Variants in SLC2A4RG observed in about 807,000 individuals in gnomAD.
SLC2A4RG encodes the protein SLC2A4 regulator.
In SLC2A4RG, 23 loss-of-function variants were observed where a neutral mutation model predicts 35.5. The ratio of observed to expected loss-of-function variants is 0.65; its 90% CI spans 0.47 to 0.92. The LOEUF is 0.92. Ranked by LOEUF, SLC2A4RG falls within the 40% of genes least tolerant of loss-of-function variation. SLC2A4RG has a pLI of 0.00. For synonymous variants in SLC2A4RG, 306 were observed against 243.7 expected (o/e 1.26, Z -2.38); for missense variants, 539 against 525.0 (o/e 1.03, Z -0.26).
At position 63,742,131 on chromosome 20, in the gene SLC2A4RG, G is replaced by A. The variant is rs745480685; in HGVS notation, c.581G>A (p.Ser194Asn). The A allele has an allele frequency of 1.1e-5, 18 of 1,603,654 alleles. No individual in the cohort carries two copies. In the Admixed American group the frequency reaches 2.6e-4, roughly 23 times the overall value. ...TGACCCTGGCCCCTGTTGCTGCAGA[G>A]CCCGGCCCAGGTCATGTTCCAGTGT... ...FGEPTLRKRKSPAQVMFQCLW... is the reference protein window; with the variant it reads ...FGEPTLRKRKNPAQVMFQCLW... The change falls in exon 5 of 8, where the codon AGC becomes AAC. Residue 194 changes from serine (S) to asparagine (N), a missense_variant and splice_region_variant. Transcript: ENST00000266077.
chr20:63,742,036 C>T lies in SLC2A4RG; in HGVS notation c.559C>T (p.Pro187Ser). The change falls in exon 4 of 8, where the codon CCC becomes TCC. Residue 187 changes from proline to serine, a missense_variant. Coordinates refer to ENST00000266077, the MANE Select transcript of SLC2A4RG (RefSeq NM_020062.4). ...GGCAGCCCACTTTCTGTTTGGGGAG[C>T]CCACCCTGAGAAAAAGGAAGGTGAG... is the stretch of plus-strand genomic sequence containing the variant. ...PEAAHFLFGEPTLRKRKSPAQ... is the reference protein window; with the variant it reads ...PEAAHFLFGESTLRKRKSPAQ... 1 of 1,611,874 alleles carries T rather than the reference C, an allele frequency of 6.2e-7. No homozygotes were observed. The highest frequency in any genetic ancestry group is 1.7e-4 in the Middle Eastern group (1 of 6,050).
chr20:63,742,540 C>A lies in SLC2A4RG; in HGVS notation c.885C>A (p.Ala295=). 6.4e-7 allele frequency: 1 copy of A among 1,563,670 alleles called. No homozygotes were observed. Among genetic ancestry groups the A allele is most frequent in the South Asian group, 1.2e-5 (1 of 85,718 alleles). The change falls in exon 6 of 8, where the codon GCC becomes GCA. Residue 295 remains alanine, a synonymous_variant. Coordinates refer to ENST00000266077, the MANE Select transcript of SLC2A4RG (RefSeq NM_020062.4). ...TGCCTAGTCCCCTGCGGCCGCCTGC[C>A]CCGCCCCTGCCCCCGCCCCCTGTCC... The part of the protein sequence containing the change: ...PALPSPLRPP[A]PPLPPPPVLS...
chr20:63,741,846 G>A, intron 3 of SLC2A4RG, 23 bp from the exon 4 acceptor site: 7 of 1,558,724 alleles, frequency 4.5e-6, no homozygotes, highest in Non-Finnish European at 6.1e-6. Context: ...AAGTTCTAAG[G>A]CGGGGGGCCC....
Position 63,742,375 on chromosome 20 carries a change from C to T in SLC2A4RG, c.720C>T (p.Asp240=), listed in dbSNP as rs781351288. ...CTGAGCAGAGTGATGGTGAGGAGGA[C>T]TTCTACTACACAGAGCTGGATGTTG... is the stretch of plus-strand genomic sequence containing the variant. ...AEPEQSDGEE[D]FYYTELDVGV... Residue 240 remains aspartate, a synonymous_variant, in exon 6 of 8, where the codon GAC becomes GAT. Transcript: ENST00000266077. 5.0e-6 allele frequency: 8 copies of T among 1,610,768 alleles called. No homozygotes were observed. The highest frequency in any genetic ancestry group is 1.1e-5 in the South Asian group (1 of 90,936).
chr20:63,740,015 G>A lies in SLC2A4RG; in HGVS notation c.103G>A (p.Val35Met), dbSNP rs2092033632. Residue 35 changes from valine to methionine, a missense_variant, in exon 1 of 8, where the codon GTG becomes ATG. Transcript: ENST00000266077. Reference protein sequence around the residue: ...AEGPGPRAAPVTVPTPPQGSS... With the variant: ...AEGPGPRAAPMTVPTPPQGSS... Reference sequence around the variant, plus strand: ...GGGTCCGGGGCCGCGCGCCGCGCCCGTGACGGTGCCCACGCCGCCGCAGGT... The same window carrying A: ...GGGTCCGGGGCCGCGCGCCGCGCCCATGACGGTGCCCACGCCGCCGCAGGT... 2.0e-6 allele frequency: 2 copies of A among 981,054 alleles called. No individual in the cohort carries two copies. The highest frequency in any genetic ancestry group is 3.5e-5 in the African/African-American group (2 of 56,532). The allele number at this position is 981,054 out of a possible 1,614,324, so 60.8% of individuals were successfully genotyped here.
rs2092056225 is a variant in SLC2A4RG, at chr20:63,743,424, G to GT, written c.*437dup. 6.2e-6 allele frequency: 1 copy of GT among 160,004 alleles called. No homozygotes were observed. Among genetic ancestry groups the GT allele is most frequent in the African/African-American group, 2.4e-5 (1 of 41,748 alleles). The allele number at this position is 160,004 out of a possible 1,614,324, so 9.9% of individuals were successfully genotyped here. Reference sequence around the variant, plus strand: ...CGGGCCCTGGGGCTGTTTTTACCATGTTTGTTTTTGAAGCTCAGGTGTCTC... The same window carrying GT: ...CGGGCCCTGGGGCTGTTTTTACCATGTTTTGTTTTTGAAGCTCAGGTGTCTC... On this transcript the variant is annotated 3_prime_UTR_variant, in exon 8 of 8. Coordinates refer to ENST00000266077, the MANE Select transcript of SLC2A4RG (RefSeq NM_020062.4).
rs764429536 is a variant in SLC2A4RG, at chr20:63,742,883, C to T, written c.1057C>T (p.Pro353Ser). The T allele has an allele frequency of 1.9e-6, 3 of 1,610,872 alleles. No individual in the cohort carries two copies. In the South Asian group the frequency reaches 3.3e-5, roughly 18 times the overall value. ...SSRIGVTLRK[P>S]RGDAKKCRKV... ...GTCCTGTGACCCCCCGCACAGGAAG[C>T]CCCGCGGCGACGCGAAGAAGTGCCG... The change falls in exon 8 of 8, where the codon CCC becomes TCC. Residue 353 changes from proline (P) to serine (S), a missense_variant. Transcript: ENST00000266077.
Position 63,741,350 on chromosome 20 carries a change from C to G in SLC2A4RG, c.282-20C>G, listed in dbSNP as rs370427003. ...AGAGCTCTGGCTGGGTCACCCGCAC[C>G]CCGCCCCCATCTCCTCCAGAGCCAC... On this transcript the variant is annotated intron_variant, in intron 2 of 7. Transcript: ENST00000266077. 73 of 1,609,274 alleles carry G rather than the reference C, an allele frequency of 4.5e-5. No individual in the cohort carries two copies. The Middle Eastern group carries it at 5.5e-4, about 12-fold the overall frequency.
At chr20:63,741,504 G>A in intron 3 of SLC2A4RG, 25 bp downstream of exon 3, 7 of 1,600,888 alleles carry the variant, frequency 4.4e-6, no homozygotes, top group Non-Finnish European at 6.0e-6. Flanking sequence ...TCTGCATTTA[G>A]GGGTGTGGGT....
intron 1 of SLC2A4RG, 152 bp downstream of exon 1, chr20:63,740,190 C>T: frequency 2.6e-6 from 1 of 387,002 alleles, no homozygotes; most frequent in Non-Finnish European, 3.5e-6. Flanking sequence ...GCCGGGGCTG[C>T]GCCGGGCGGC....
rs765627836 is a variant in SLC2A4RG, at chr20:63,743,001, T to C, written c.*11T>C. On this transcript the variant is annotated 3_prime_UTR_variant, in exon 8 of 8. Transcript: ENST00000266077. ...CGGTTCCTGGACTAAGTCCGGCTCGTTCAAGAACATAAGCTACCACCTTCT... is the reference window on the plus strand; with the variant it reads ...CGGTTCCTGGACTAAGTCCGGCTCGCTCAAGAACATAAGCTACCACCTTCT... 4 of 1,597,502 alleles carry C rather than the reference T, an allele frequency of 2.5e-6. No individual in the cohort carries two copies. Among genetic ancestry groups the C allele is most frequent in the Non-Finnish European group, 3.4e-6 (4 of 1,171,488 alleles).
Position 63,743,380 on chromosome 20 carries a change from C to CACTT in SLC2A4RG, c.*392_*395dup, listed in dbSNP as rs1373791352. The CACTT allele has an allele frequency of 1.7e-5, 3 of 174,452 alleles. No individual in the cohort carries two copies. Among genetic ancestry groups the CACTT allele is most frequent in the African/African-American group, 7.1e-5 (3 of 42,148 alleles). 10.8% of individuals were successfully genotyped at this position (174,452 alleles called of 1,614,324 possible). A position where few individuals can be genotyped will look rare whatever the true frequency, so the allele number is the denominator to read the frequency against. ...GTTGGAGAGGGGACTCCCCCACTCG[C>CACTT]ACTTAACTCAACGGCTCTCGGGCCC... On this transcript the variant is annotated 3_prime_UTR_variant, in exon 8 of 8. Transcript: ENST00000266077.
chr20:63,741,371 G>A lies in SLC2A4RG; in HGVS notation c.283G>A (p.Ala95Thr), dbSNP rs371440059. The A allele has an allele frequency of 1.2e-6, 2 of 1,612,520 alleles. No homozygotes were observed. Among genetic ancestry groups the A allele is most frequent in the Middle Eastern group, 1.7e-4 (1 of 5,826 alleles). Residue 95 changes from alanine to threonine, a missense_variant and splice_region_variant, in exon 3 of 8, where the codon GCC becomes ACC. Physicochemically the swap from Ala to Thr is moderately conservative, Grantham distance 58 (BLOSUM62 0). Transcript: ENST00000266077. ...GCACCCCGCCCCCATCTCCTCCAGA[G>A]CCACCCCAGGAAAAGCCCGGCTGGA... Reference protein sequence around the residue: ...SAHIPVPAQRATPGKARLDEV... With the variant: ...SAHIPVPAQRTTPGKARLDEV...
At chr20:63,741,589 C>G in intron 3 of SLC2A4RG, 110 bp downstream of exon 3, 1 of 1,166,998 alleles carries the variant, frequency 8.6e-7, no homozygotes, top group Non-Finnish European at 1.2e-6. Flanking sequence ...GGACTCCTTT[C>G]TAAAATGGAC....
intron 2 of SLC2A4RG, 23 bp downstream of exon 2, chr20:63,740,554 C>G: frequency 4.9e-6 from 6 of 1,228,458 alleles, no homozygotes; most frequent in African/African-American, 4.7e-5. Flanking sequence ...CCCGGTGCCT[C>G]GGGACTCGGT....
At position 63,739,877 on chromosome 20, in the gene SLC2A4RG, C is replaced by T. The variant is rs2145720621; in HGVS notation, c.-36C>T. The T allele has an allele frequency of 1.0e-6, 1 of 978,370 alleles. No individual in the cohort carries two copies. The highest frequency in any genetic ancestry group is 4.7e-5 in the South Asian group (1 of 21,238). The allele number at this position is 978,370 out of a possible 1,614,324, so 60.6% of individuals were successfully genotyped here. A position where few individuals can be genotyped will look rare whatever the true frequency, so the allele number is the denominator to read the frequency against. On this transcript the variant is annotated 5_prime_UTR_variant, in exon 1 of 8. Transcript: ENST00000266077. Reference sequence around the variant, plus strand: ...CGGGGCCGCGTCCTGAGAGTCAGCCCTCGCCGCTGCAGCCTCGGCGCCCGG... The same window carrying T: ...CGGGGCCGCGTCCTGAGAGTCAGCCTTCGCCGCTGCAGCCTCGGCGCCCGG...
Position 63,741,997 on chromosome 20 carries a change from C to T in SLC2A4RG, c.520C>T (p.Pro174Ser). Residue 174 changes from proline (P) to serine (S), a missense_variant, in exon 4 of 8, where the codon CCA becomes TCA. Transcript: ENST00000266077. Reference protein sequence around the residue: ...DQSSPSTPSPPLPPEAAHFLF... With the variant: ...DQSSPSTPSPSLPPEAAHFLF... ...GTCCTCTCCGTCCACCCCGTCACCC[C>T]CACTGCCCCCCGAGGCAGCCCACTT... The T allele has an allele frequency of 6.2e-7, 1 of 1,613,032 alleles. No individual in the cohort carries two copies. Among genetic ancestry groups the T allele is most frequent in the Non-Finnish European group, 8.5e-7 (1 of 1,179,772 alleles).
chr20:63,742,344 C>A lies in SLC2A4RG; in HGVS notation c.689C>A (p.Ala230Glu), dbSNP rs767215066. The A allele has an allele frequency of 5.0e-5, 81 of 1,608,042 alleles. No individual in the cohort carries two copies. The highest frequency in any genetic ancestry group is 6.5e-5 in the Non-Finnish European group (76 of 1,177,032). ...GGCTGTGTCTCCCGCAGGAGGCAGG[C>A]AGAGCCTGAGCAGAGTGATGGTGAG... ...HIRLVHLGRQ[A>E]EPEQSDGEED... The change falls in exon 6 of 8, where the codon GCA (alanine) becomes GAA (glutamate). Residue 230 changes from alanine to glutamate, a missense_variant. Coordinates refer to ENST00000266077, the MANE Select transcript of SLC2A4RG (RefSeq NM_020062.4).
rs954867371 is a variant in SLC2A4RG, at chr20:63,743,165, G to A, written c.*175G>A. The A allele has an allele frequency of 5.3e-6, 3 of 570,616 alleles. No individual in the cohort carries two copies. The highest frequency in any genetic ancestry group is 3.8e-5 in the African/African-American group (2 of 53,170). The allele number at this position is 570,616 out of a possible 1,614,324, so 35.3% of individuals were successfully genotyped here. A position where few individuals can be genotyped will look rare whatever the true frequency, so the allele number is the denominator to read the frequency against. ...CCTGAACCCTCCCCCCCGCCAGGTC[G>A]GGGAGGGGTCCCACCACTCAAAGTG... On this transcript the variant is annotated 3_prime_UTR_variant, in exon 8 of 8. Coordinates refer to ENST00000266077, the MANE Select transcript of SLC2A4RG (RefSeq NM_020062.4).
Sources: allele counts gnomAD v4.1 joint callset, GRCh38; gene constraint gnomAD v4.1.1; transcripts MANE v1.5; gene names NCBI Gene and HGNC (gene_info 2026-07-23, HGNC 2026-07-21).